Variants in MYO5B observed in about 807,000 individuals in gnomAD.
MYO5B encodes myosin VB.
In MYO5B, 143 loss-of-function variants were observed where a neutral mutation model predicts 229.3. The observed-to-expected ratio is 0.62, with a 90% CI of 0.54 to 0.72. MYO5B has a LOEUF of 0.72. Among genes scored for constraint, MYO5B ranks in the 30% least tolerant of loss-of-function variants. The pLI is 0.00. For synonymous variants in MYO5B, 918 were observed against 885.2 expected (o/e 1.04, Z -0.66); for missense variants, 2,321 against 2,331.0 (o/e 1.00, Z 0.09).
intron 27 of MYO5B, among the ~76,000 whole-genome samples, chr18:49,868,307 G>A (rs1463915995): frequency 6.6e-6 from 1 of 151,800 alleles, no homozygotes. Context: ...CTATAAAAAG[G>A]ACACATTAAG....
At chr18:50,106,297 G>T (rs537289901) in intron 1 of MYO5B, among the ~76,000 whole-genome samples, 33 of 152,160 alleles carry the variant, frequency 2.2e-4, no homozygotes, top group South Asian at 1.2e-3. Context: ...CCACATCAAC[G>T]CATTCTCCTT....
intron 1 of MYO5B, among the ~76,000 whole-genome samples, chr18:50,106,252 C>T (rs1396106499): frequency 1.3e-5 from 2 of 152,238 alleles, no homozygotes; most frequent in African/African-American, 4.8e-5. Flanking sequence ...CTCACCTTTT[C>T]TCACTAGGGT....
intron 1 of MYO5B, among the ~76,000 whole-genome samples, chr18:50,065,695 C>T (rs180677299): frequency 1.7e-4 from 26 of 152,208 alleles, no homozygotes; most frequent in African/African-American, 5.3e-4. Flanking sequence ...TCAAGGATCC[C>T]GGACCACATG....
chr18:50,001,326 C>T lies in MYO5B; in HGVS notation c.541G>A (p.Ala181Thr), dbSNP rs377138861. ...TCACTGGCCGAGCCACCAACGGTGGCGAAATAGCGCATGGCATACTTGGCT... is the reference window on the plus strand; with the variant it reads ...TCACTGGCCGAGCCACCAACGGTGGTGAAATAGCGCATGGCATACTTGGCT... Reference protein sequence around the residue: ...VSAKYAMRYFATVGGSASETN... With the variant: ...VSAKYAMRYFTTVGGSASETN... Residue 181 changes from alanine to threonine, a missense_variant, in exon 5 of 40, where the codon GCC becomes ACC. By Grantham distance (58) the Ala-to-Thr change is moderately conservative. Transcript: ENST00000285039. 9.0e-5 allele frequency: 145 copies of T among 1,614,036 alleles called. No homozygotes were observed. Among genetic ancestry groups the T allele is most frequent in the Non-Finnish European group, 1.1e-4 (128 of 1,180,028 alleles).
Position 49,995,510 on chromosome 18 carries a change from C to T in MYO5B, c.613-3079G>A, listed in dbSNP as rs529016688. On this transcript the variant is annotated intron_variant, in intron 5 of 39. Transcript: ENST00000285039. ...TCCTGACCTCGTGACCCACCCATCT[C>T]GGGCTCCCAAAGTGCTGGGATTACA... Among the ~76,000 whole-genome samples the T allele has an allele frequency of 9.2e-5, 14 of 151,968 alleles. 1 individual carries two copies. In the East Asian group the frequency reaches 2.3e-3, roughly 25 times the overall value.
At chr18:49,992,927 A>G (rs1262469422) in intron 5 of MYO5B, among the ~76,000 whole-genome samples, 2 of 152,216 alleles carry the variant, frequency 1.3e-5, no homozygotes, top group Non-Finnish European at 2.9e-5. Flanking sequence ...TCAGTTCTAC[A>G]TGAGCAGGCA....
chr18:50,056,167 C>A lies in MYO5B; in HGVS notation c.28-789G>T, dbSNP rs139505611. Among the ~76,000 whole-genome samples, 23 of 152,300 alleles carry A rather than the reference C, an allele frequency of 1.5e-4. No individual in the cohort carries two copies. The East Asian group carries it at 1.5e-3, about 10-fold the overall frequency. On this transcript the variant is annotated intron_variant, in intron 1 of 39. Transcript: ENST00000285039. ...TTGCAGACAAAGTCACTGAATGGGG[C>A]CAAGTTCTGGCAGGAAAGAACACAG...
chr18:49,966,508 TGA>T (rs2025627745), intron 10 of MYO5B, among the ~76,000 whole-genome samples: 1 of 152,106 alleles, frequency 6.6e-6, no homozygotes, highest in South Asian at 2.1e-4. Flanking sequence ...TCCTCCACCC[TGA>T]GAGAAGCTGC....
chr18:49,865,971 T>C lies in MYO5B; in HGVS notation c.3604-1591A>G, dbSNP rs562457000. On this transcript the variant is annotated intron_variant, in intron 27 of 39. Transcript: ENST00000285039. ...CACTCCCCTCTCCTCCCCCACAGGT[T>C]CACTACCATTCCCTCATCATCCTTT... Among the ~76,000 whole-genome samples, 11 of 152,338 alleles carry C rather than the reference T, an allele frequency of 7.2e-5. 1 individual carries two copies. The Middle Eastern group carries it at 0.014, about 188-fold the overall frequency.
At chr18:49,859,548 C>T (rs922926566) in intron 29 of MYO5B, among the ~76,000 whole-genome samples, 19 of 152,274 alleles carry the variant, frequency 1.2e-4, no homozygotes, top group Non-Finnish European at 2.2e-4. Context: ...CTAGCATATT[C>T]CCTGGGACCT....
chr18:49,882,636 A>AAAAAAAAAAG (rs977043464), intron 22 of MYO5B, among the ~76,000 whole-genome samples: 1 of 150,734 alleles, frequency 6.6e-6, no homozygotes, highest in Non-Finnish European at 1.5e-5. Context: ...CAAAAAAAAA[A>AAAAAAAAAAG]AAAAAGAAAG....
chr18:49,880,675 T>C (rs1402385119), intron 22 of MYO5B, among the ~76,000 whole-genome samples: 1 of 152,218 alleles, frequency 6.6e-6, no homozygotes, highest in Non-Finnish European at 1.5e-5. Flanking sequence ...TCATCTAATG[T>C]CCACAAACAC....
At chr18:50,058,490 A>C (rs1041230685) in intron 1 of MYO5B, among the ~76,000 whole-genome samples, 2 of 151,680 alleles carry the variant, frequency 1.3e-5, no homozygotes, top group Non-Finnish European at 2.9e-5. Context: ...AAGTAATGAC[A>C]GAGACCCTAT....
intron 1 of MYO5B, among the ~76,000 whole-genome samples, chr18:50,110,305 C>G (rs1205599622): frequency 6.6e-6 from 1 of 152,114 alleles, no homozygotes; most frequent in African/African-American, 2.4e-5. Flanking sequence ...GCCCTAAATA[C>G]TTTATCCTGC....
At chr18:49,899,150 A>G (rs1045106869) in intron 21 of MYO5B, among the ~76,000 whole-genome samples, 2 of 152,082 alleles carry the variant, frequency 1.3e-5, no homozygotes, top group African/African-American at 4.8e-5. Flanking sequence ...ACCTTGGGAC[A>G]CCTTCACCTG....
chr18:49,885,269 A>T (rs1470006428), intron 22 of MYO5B, among the ~76,000 whole-genome samples: 1 of 152,178 alleles, frequency 6.6e-6, no homozygotes, highest in Non-Finnish European at 1.5e-5. Flanking sequence ...CTGTGTAGAA[A>T]GAGTCTCAAA....
At chr18:50,120,931 C>T (rs1205387247) in intron 1 of MYO5B, among the ~76,000 whole-genome samples, 1 of 152,158 alleles carries the variant, frequency 6.6e-6, no homozygotes, top group Non-Finnish European at 1.5e-5. Flanking sequence ...CCAAACTCCT[C>T]AGCTAGAGAA....
intron 5 of MYO5B, among the ~76,000 whole-genome samples, chr18:49,994,686 GGGACTCA>G (rs2025968379): frequency 2.0e-5 from 3 of 152,140 alleles, no homozygotes; most frequent in African/African-American, 7.2e-5. Context: ...AAAGGCGATG[GGGACTCA>G]CGCTCCTGGC....
chr18:50,008,270 T>G (rs186643496), intron 4 of MYO5B, among the ~76,000 whole-genome samples: 1 of 152,256 alleles, frequency 6.6e-6, no homozygotes, highest in East Asian at 1.9e-4. Flanking sequence ...GTACTAACAT[T>G]TTCCTCATCC....
Sources: allele counts gnomAD v4.1 joint callset (sites outside exome capture counted in the v4.1 genomes callset), GRCh38; gene constraint gnomAD v4.1.1; transcripts MANE v1.5; gene names NCBI Gene and HGNC (gene_info 2026-07-23, HGNC 2026-07-21).